Variants in DENND5B observed in about 807,000 individuals in gnomAD.
DENND5B encodes DENN domain containing 5B, also known as DENN domain-containing protein 5B.
Under a neutral mutation model 140.6 loss-of-function variants are expected in DENND5B, and 34 were observed. The observed-to-expected ratio is 0.24, with a 90% CI of 0.18 to 0.32. DENND5B has a LOEUF of 0.32. Among genes scored for constraint, DENND5B ranks in the 10% least tolerant of loss-of-function variants. DENND5B has a pLI of 1.00. For synonymous variants in DENND5B, 551 were observed against 562.1 expected (o/e 0.98, Z 0.28); for missense variants, 1,142 against 1,560.2 (o/e 0.73, Z 4.52).
At chr12:31,428,932 T>C (rs1342607594) in intron 8 of DENND5B, among the ~76,000 whole-genome samples, 1 of 151,990 alleles carries the variant, frequency 6.6e-6, no homozygotes, top group African/African-American at 2.4e-5. Context: ...AGGGTTTCAC[T>C]GTGTTAGCCA....
chr12:31,556,530 A>C (rs1949287397), intron 1 of DENND5B, among the ~76,000 whole-genome samples: 1 of 152,134 alleles, frequency 6.6e-6, no homozygotes, highest in South Asian at 2.1e-4. Context: ...TTCAAAAGAG[A>C]ACTTTATGAC....
chr12:31,550,397 T>C (rs943851777), intron 1 of DENND5B, among the ~76,000 whole-genome samples: 49 of 152,022 alleles, frequency 3.2e-4, no homozygotes, highest in African/African-American at 9.6e-4. Flanking sequence ...CATGAACTCA[T>C]CATTTTTTAT....
intron 1 of DENND5B, among the ~76,000 whole-genome samples, chr12:31,505,293 T>G (rs1449144407): frequency 6.6e-6 from 1 of 150,626 alleles, no homozygotes; most frequent in African/African-American, 2.4e-5. Flanking sequence ...GGCTAGAGTG[T>G]GACGTTGAGA....
chr12:31,449,731 GTTTT>G (rs771712867), intron 5 of DENND5B, among the ~76,000 whole-genome samples: 1 of 89,970 alleles, frequency 1.1e-5, no homozygotes, highest in African/African-American at 4.1e-5. Flanking sequence ...ACACAGATTA[GTTTT>G]TTTTTTTTTT....
intron 1 of DENND5B, among the ~76,000 whole-genome samples, chr12:31,534,307 G>T (rs375280971): frequency 6.6e-6 from 1 of 152,014 alleles, no homozygotes; most frequent in African/African-American, 2.4e-5. Flanking sequence ...TTACAGACAT[G>T]TGCCACGATA....
chr12:31,585,955 A>C (rs1190020745), intron 1 of DENND5B, among the ~76,000 whole-genome samples: 1 of 152,186 alleles, frequency 6.6e-6, no homozygotes, highest in Non-Finnish European at 1.5e-5. Flanking sequence ...TAATTTGTAG[A>C]CTCATGTAAA....
chr12:31,577,269 GA>G (rs1219477444), intron 1 of DENND5B, among the ~76,000 whole-genome samples: 49 of 152,260 alleles, frequency 3.2e-4, no homozygotes, highest in African/African-American at 9.6e-4. Context: ...GAAGAGAAGG[GA>G]GGGGCAAGAA....
chr12:31,412,419 G>T (rs1942509631), intron 13 of DENND5B, among the ~76,000 whole-genome samples: 3 of 152,178 alleles, frequency 2.0e-5, no homozygotes, highest in African/African-American at 7.2e-5. Flanking sequence ...GCTGGGGAGG[G>T]GGAGGTGGAT....
At chr12:31,535,931 C>T (rs2139124299) in intron 1 of DENND5B, among the ~76,000 whole-genome samples, 1 of 152,202 alleles carries the variant, frequency 6.6e-6, no homozygotes, top group Middle Eastern at 3.4e-3. Flanking sequence ...TGGGAGGCGA[C>T]TGGATCATGA....
intron 8 of DENND5B, chr12:31,432,314 G>T: frequency 6.4e-6 from 1 of 155,690 alleles, no homozygotes; most frequent in Non-Finnish European, 1.4e-5. Flanking sequence ...CACAGGTGAT[G>T]CCTCAGTTCT....
chr12:31,485,041 C>G (rs1312208255), intron 2 of DENND5B, among the ~76,000 whole-genome samples: 1 of 152,132 alleles, frequency 6.6e-6, no homozygotes, highest in African/African-American at 2.4e-5. Context: ...TGTTTGGTGG[C>G]CTGCTGCTGG....
intron 1 of DENND5B, among the ~76,000 whole-genome samples, chr12:31,551,236 T>C (rs886578190): frequency 2.0e-5 from 3 of 152,244 alleles, no homozygotes; most frequent in Non-Finnish European, 2.9e-5. Context: ...AATTAATTTT[T>C]GTAAAAGGTG....
At position 31,452,448 on chromosome 12, in the gene DENND5B, T is replaced by G; in HGVS notation, c.1121A>C (p.Asn374Thr). The change falls in exon 5 of 21, where the codon AAC becomes ACC. Residue 374 changes from asparagine (N) to threonine (T), a missense_variant. Coordinates refer to ENST00000389082, the MANE Select transcript of DENND5B (RefSeq NM_144973.4). ...EANLCFVDID[N>T]HFIELPEEFP... The stretch of plus-strand genomic sequence containing the variant: ...TTCTTCAGGCAACTCAATAAAATGG[T>G]TGTCAATGTCCACAAAACACAAATT... The G allele has an allele frequency of 6.2e-7, 1 of 1,605,010 alleles. No homozygotes were observed. Among genetic ancestry groups the G allele is most frequent in the Non-Finnish European group, 8.5e-7 (1 of 1,176,280 alleles).
chr12:31,586,693 C>G (rs2139521525), intron 1 of DENND5B, among the ~76,000 whole-genome samples: 1 of 152,186 alleles, frequency 6.6e-6, no homozygotes, highest in African/African-American at 2.4e-5. Flanking sequence ...AATGTCCCAC[C>G]ACCTGCAGAG....
At chr12:31,476,722 G>T (rs1335159799) in intron 3 of DENND5B, among the ~76,000 whole-genome samples, 1 of 152,178 alleles carries the variant, frequency 6.6e-6, no homozygotes, top group Non-Finnish European at 1.5e-5. Flanking sequence ...TGAGGCTGCA[G>T]TGTGCTAAGA....
chr12:31,543,990 C>T (rs1424071514), intron 1 of DENND5B, among the ~76,000 whole-genome samples: 1 of 152,128 alleles, frequency 6.6e-6, no homozygotes, highest in East Asian at 1.9e-4. Context: ...ATGGTGAAAA[C>T]CTGTCTCTAC....
At chr12:31,580,443 T>C (rs1422301919) in intron 1 of DENND5B, among the ~76,000 whole-genome samples, 1 of 152,152 alleles carries the variant, frequency 6.6e-6, no homozygotes, top group Non-Finnish European at 1.5e-5. Flanking sequence ...AATCTCAAGC[T>C]TCTCATTTTT....
chr12:31,556,267 T>C (rs1471836096), intron 1 of DENND5B, among the ~76,000 whole-genome samples: 2 of 152,068 alleles, frequency 1.3e-5, no homozygotes, highest in African/African-American at 4.8e-5. Flanking sequence ...TGGAGCAGCA[T>C]GACCTCGGCT....
chr12:31,428,113 G>C (rs1244617686), intron 8 of DENND5B, among the ~76,000 whole-genome samples: 1 of 151,750 alleles, frequency 6.6e-6, no homozygotes, highest in African/African-American at 2.4e-5. Flanking sequence ...TTATTTCTTT[G>C]ACCCTCTTAA....
Sources: gnomAD v4.1 joint callset for allele counts (sites outside exome capture counted in the v4.1 genomes callset) on GRCh38, gnomAD v4.1.1 for gene constraint, MANE v1.5 for transcripts, NCBI Gene and HGNC (gene_info 2026-07-23, HGNC 2026-07-21) for gene names.